The following PIEZO1 variants were observed in gnomAD, a reference collection of about 807,000 sequenced individuals.
PIEZO1 encodes piezo-type mechanosensitive ion channel component 1.
A neutral mutation model predicts 297.2 loss-of-function variants in PIEZO1; 296 were observed. That is an observed-to-expected ratio of 1.00 (90% CI 0.91 to 1.10). The LOEUF (loss-of-function observed/expected upper bound fraction) is 1.10, where lower values mean the gene tolerates loss of function less well. Among genes scored for constraint, PIEZO1 ranks in the 50% least tolerant of loss-of-function variants. The pLI is 0.00. For synonymous variants in PIEZO1, 2,427 were observed against 1,507.5 expected (o/e 1.61, Z -14.13); for missense variants, 5,018 against 3,455.5 (o/e 1.45, Z -11.34).
intron 29 of PIEZO1, 128 bp from the exon 30 acceptor site, chr16:88,725,208 T>C: frequency 1.4e-6 from 1 of 734,080 alleles, no homozygotes; most frequent in Non-Finnish European, 2.2e-6. Flanking sequence ...ACGGGGGCCG[T>C]GTGGGGCCAT....
intron 2 of PIEZO1, among the ~76,000 whole-genome samples, chr16:88,744,928 C>T (rs368598412): frequency 2.0e-5 from 3 of 152,202 alleles, no homozygotes; most frequent in African/African-American, 4.8e-5. Flanking sequence ...CTGACCTGCA[C>T]GGGGCGGGGA....
chr16:88,778,190 G>A (rs1358088109), intron 1 of PIEZO1, among the ~76,000 whole-genome samples: 1 of 152,206 alleles, frequency 6.6e-6, no homozygotes, highest in African/African-American at 2.4e-5. Flanking sequence ...GATGGGCATG[G>A]CCCGAGCCCC....
intron 1 of PIEZO1, among the ~76,000 whole-genome samples, chr16:88,780,186 T>C (rs1168616755): frequency 6.6e-6 from 1 of 152,188 alleles, no homozygotes; most frequent in Non-Finnish European, 1.5e-5. Flanking sequence ...CCAGCAGGTG[T>C]GGGACTCAAC....
rs959214372 is a variant in PIEZO1, at chr16:88,723,021, C to T, written c.4496-12G>A. 35 of 620,360 alleles carry T rather than the reference C, an allele frequency of 5.6e-5. No homozygotes were observed. The highest frequency in any genetic ancestry group is 1.9e-4 in the African/African-American group (10 of 52,214). 38.4% of individuals were successfully genotyped at this position (620,360 alleles called of 1,614,324 possible). A position where few individuals can be genotyped will look rare whatever the true frequency, so the allele number is the denominator to read the frequency against. On this transcript the variant is annotated splice_polypyrimidine_tract_variant and intron_variant, in intron 33 of 50. Transcript: ENST00000301015. ...CACATGGCTCCGGCCTGCGGGAGGG[C>T]GGGAGGGGGCGCTGGAGGGGCAGCC...
At chr16:88,744,550 G>A (rs4782406) in intron 2 of PIEZO1, among the ~76,000 whole-genome samples, 71,193 of 149,990 alleles carry the variant, frequency 0.47, 17,439 homozygotes, top group Non-Finnish European at 0.54. Context: ...GGGCTCTCAG[G>A]CCACCTGGCT....
rs985425506 is a variant in PIEZO1 at position 88,736,037 on chromosome 16, A to C, written c.1557+111T>G. 43 of 1,102,558 alleles carry C rather than the reference A, an allele frequency of 3.9e-5. No homozygotes were observed. The African/African-American group carries it at 6.2e-4, about 16-fold the overall frequency. 68.3% of individuals were successfully genotyped at this position (1,102,558 alleles called of 1,614,324 possible). A position where few individuals can be genotyped will look rare whatever the true frequency, so the allele number is the denominator to read the frequency against. On this transcript the variant is annotated intron_variant, in intron 12 of 50. Transcript: ENST00000301015. ...TGGGCAGAAGGGGACAGACAGACAC[A>C]TCTGCCTTCTTGGCGCTGCCACTCC...
chr16:88,723,417 C>G, intron 31 of PIEZO1, 89 bp from the exon 32 acceptor site: 2 of 1,426,594 alleles, frequency 1.4e-6, no homozygotes, highest in Middle Eastern at 2.2e-4. Context: ...GGCGCCAGAT[C>G]CAGATCCCTG....
intron 27 of PIEZO1, 102 bp downstream of exon 27, chr16:88,726,182 C>G: frequency 2.1e-6 from 2 of 975,508 alleles, no homozygotes; most frequent in Non-Finnish European, 3.0e-6. Flanking sequence ...AGTGGCAGAG[C>G]CTGCCCTCCA....
intron 19 of PIEZO1, chr16:88,733,051 G>C (rs1393579859): frequency 5.1e-6 from 3 of 589,196 alleles, no homozygotes; most frequent in Non-Finnish European, 9.0e-6. Context: ...CGGAGACCCT[G>C]GGACTCCGCC....
intron 1 of PIEZO1, among the ~76,000 whole-genome samples, chr16:88,774,299 G>T (rs958662015): frequency 6.6e-6 from 1 of 152,242 alleles, no homozygotes; most frequent in Non-Finnish European, 1.5e-5. Context: ...GCTGAGGCAT[G>T]AGAATCGCTT....
intron 1 of PIEZO1, among the ~76,000 whole-genome samples, chr16:88,752,404 C>T (rs1344565766): frequency 1.3e-5 from 2 of 152,194 alleles, no homozygotes; most frequent in Non-Finnish European, 2.9e-5. Context: ...ATCACTTGAG[C>T]CCAGGAGGCT....
chr16:88,715,911 G>A, intron 50 of PIEZO1, 22 bp downstream of exon 50: 7 of 1,544,322 alleles, frequency 4.5e-6, no homozygotes, highest in East Asian at 2.5e-5. Flanking sequence ...GCTGCGGGGT[G>A]CCCCCCCAGC....
At chr16:88,741,052 C>T (rs1434227700) in intron 5 of PIEZO1, 1 of 157,224 alleles carries the variant, frequency 6.4e-6, no homozygotes, top group Non-Finnish European at 1.4e-5. Context: ...TCCTGGGGTC[C>T]AGGCCCCTGC....
chr16:88,775,388 C>A (rs1907610566), intron 1 of PIEZO1, among the ~76,000 whole-genome samples: 2 of 152,226 alleles, frequency 1.3e-5, no homozygotes, highest in Admixed American at 1.3e-4. Flanking sequence ...GAGCAGAACC[C>A]CCAAGAGTGT....
chr16:88,757,142 TG>T (rs1450896444), intron 1 of PIEZO1, among the ~76,000 whole-genome samples: 1 of 152,090 alleles, frequency 6.6e-6, no homozygotes, highest in Non-Finnish European at 1.5e-5. Context: ...AGGGAAGGGC[TG>T]AGGCAGGCAG....
chr16:88,740,610 G>GGCA (rs1905578129), intron 5 of PIEZO1: 1 of 152,412 alleles, frequency 6.6e-6, no homozygotes, highest in African/African-American at 2.4e-5. Flanking sequence ...AGGACAGGCA[G>GGCA]GAGGGCAGGC....
Position 88,738,325 on chromosome 16 carries a change from G to A in PIEZO1, c.750C>T (p.Val250=), listed in dbSNP as rs1427516371. The part of the protein sequence containing the change: ...ISTRGFSRLC[V]AVGCFGAGHL... Reference sequence around the variant, plus strand: ...GGCCGGCGCCGAAGCACCCCACCGCGACGCAGAGTCTGCTGAAGCCCCGAG... The same window carrying A: ...GGCCGGCGCCGAAGCACCCCACCGCAACGCAGAGTCTGCTGAAGCCCCGAG... The change falls in exon 7 of 51, where the codon GTC becomes GTT. Residue 250 remains valine, a synonymous_variant. Coordinates refer to ENST00000301015, the MANE Select transcript of PIEZO1 (RefSeq NM_001142864.4). 2.7e-5 allele frequency: 41 copies of A among 1,535,778 alleles called. No homozygotes were observed. In the East Asian group the frequency reaches 4.2e-4, roughly 16 times the overall value.
chr16:88,773,370 G>A (rs1378069131), intron 1 of PIEZO1, among the ~76,000 whole-genome samples: 1 of 152,268 alleles, frequency 6.6e-6, no homozygotes, highest in Non-Finnish European at 1.5e-5. Context: ...GAGGTGGGCA[G>A]GGGGAGGGGC....
chr16:88,730,186 CG>C (rs1904705815), intron 22 of PIEZO1, among the ~76,000 whole-genome samples: 1 of 152,260 alleles, frequency 6.6e-6, no homozygotes, highest in Non-Finnish European at 1.5e-5. Flanking sequence ...GCCCAGACCC[CG>C]GGCTCTAAAC....
Sources: gnomAD v4.1 joint callset for allele counts (sites outside exome capture counted in the v4.1 genomes callset) on GRCh38, gnomAD v4.1.1 for gene constraint, MANE v1.5 for transcripts, NCBI Gene and HGNC (gene_info 2026-07-23, HGNC 2026-07-21) for gene names.